TREH: variants seen among roughly 807,000 people sequenced by gnomAD.
TREH encodes the protein alpha,alpha-trehalose glucohydrolase.
A neutral mutation model predicts 80.5 loss-of-function variants in TREH; 69 were observed. The ratio of observed to expected loss-of-function variants is 0.86; its 90% CI spans 0.71 to 1.05. The LOEUF (loss-of-function observed/expected upper bound fraction) is 1.05. TREH is among the 50% of genes least tolerant of loss of function. The pLI, the probability that TREH is intolerant of heterozygous loss-of-function variation, is 0.00. For missense variants in TREH, 716 were observed against 718.8 expected, an observed-to-expected ratio of 1.00 and a Z score of 0.04; for synonymous variants, 309 against 293.5, an observed-to-expected ratio of 1.05 and a Z score of -0.54.
At chr11:118,676,431 A>C (rs1949479408) in intron 1 of TREH, among the ~76,000 whole-genome samples, 1 of 152,144 alleles carries the variant, frequency 6.6e-6, no homozygotes, top group African/African-American at 2.4e-5. Context: ...CCATGACTGC[A>C]CCACTGCACT....
intron 1 of TREH, among the ~76,000 whole-genome samples, chr11:118,678,954 G>A (rs1473557730): frequency 6.6e-6 from 1 of 152,206 alleles, no homozygotes; most frequent in Non-Finnish European, 1.5e-5. Flanking sequence ...AAGTTTGCTA[G>A]AACAATCCTG....
intron 1 of TREH, among the ~76,000 whole-genome samples, chr11:118,665,670 T>C (rs955587048): frequency 9.2e-5 from 14 of 152,142 alleles, no homozygotes; most frequent in African/African-American, 3.4e-4. Flanking sequence ...AAACTGCAAC[T>C]GTACCTTTAA....
chr11:118,676,502 T>A (rs145613748), intron 1 of TREH, among the ~76,000 whole-genome samples: 1,586 of 149,902 alleles, frequency 0.011, 26 homozygotes, highest in African/African-American at 0.036. Flanking sequence ...GTGCAGTGAC[T>A]CATGCCTGTA....
intron 1 of TREH, among the ~76,000 whole-genome samples, chr11:118,669,107 T>C (rs1555145980): frequency 6.6e-6 from 1 of 152,174 alleles, no homozygotes; most frequent in African/African-American, 2.4e-5. Flanking sequence ...TCAATATAAT[T>C]GATCATCAGA....
chr11:118,658,493 G>C, intron 14 of TREH, 52 bp from the exon 15 acceptor site: 1 of 1,587,974 alleles, frequency 6.3e-7, no homozygotes, highest in Non-Finnish European at 8.6e-7. Flanking sequence ...TCATACCCTT[G>C]GTGGGGGCTG....
chr11:118,675,944 C>G (rs541732385), intron 1 of TREH, among the ~76,000 whole-genome samples: 1 of 152,290 alleles, frequency 6.6e-6, no homozygotes, highest in South Asian at 2.1e-4. Context: ...CTCAAGTGAT[C>G]CATCCACCTC....
In TREH at chr11:118,662,925, A is replaced by G. The variant is rs1949340452; in HGVS notation, c.379T>C (p.Trp127Arg). The stretch of plus-strand genomic sequence containing the variant: ...CAGAGCTGATGCAGCTGCCCTGCCC[A>G]GGCACGCAGTTTGGCATCTGAAATC... ...QKISDAKLRA[W>R]AGQLHQLWKK... The change falls in exon 4 of 15, where the codon TGG (tryptophan) becomes CGG (arginine). Residue 127 changes from tryptophan to arginine, a missense_variant. Transcript: ENST00000264029. The G allele has an allele frequency of 6.2e-7, 1 of 1,609,100 alleles. No homozygotes were observed. The highest frequency in any genetic ancestry group is 1.3e-5 in the African/African-American group (1 of 74,854).
At chr11:118,665,179 TC>T (rs1437026958) in intron 1 of TREH, among the ~76,000 whole-genome samples, 2 of 152,064 alleles carry the variant, frequency 1.3e-5, no homozygotes, top group Non-Finnish European at 2.9e-5. Flanking sequence ...TTGGTTGGAT[TC>T]CCCTAATTTT....
rs563896721 is a variant in TREH, at chr11:118,670,529, T to G, written c.90-7090A>C. 3.2e-4 allele frequency among the ~76,000 whole-genome samples: 48 copies of G among 152,334 alleles called. 1 individual carries two copies. In the South Asian group the frequency reaches 9.1e-3, roughly 29 times the overall value. On this transcript the variant is annotated intron_variant, in intron 1 of 14. Coordinates refer to ENST00000264029, the MANE Select transcript of TREH (RefSeq NM_007180.3). ...CTAATGTGGAAGTAGAGATAGGAGC[T>G]TTTAGCTCAATTCCCCAATACATGT...
chr11:118,659,377 G>T lies in TREH; in HGVS notation c.1425C>A (p.Val475=). ...PNAWAPLQDL[V]IRGLAKAPLR... is the part of the protein sequence containing the mutation. ...TCAGCCCTGCCTCCCTACCTCTGATGACCAGGTCCTGCAGGGGGGCCCAGG... is the reference window on the plus strand; with the variant it reads ...TCAGCCCTGCCTCCCTACCTCTGATTACCAGGTCCTGCAGGGGGGCCCAGG... Residue 475 remains valine (V), a synonymous_variant, in exon 12 of 15, where the codon GTC becomes GTA. Coordinates refer to ENST00000264029, the MANE Select transcript of TREH (RefSeq NM_007180.3). 1 of 1,576,210 alleles carries T rather than the reference G, an allele frequency of 6.3e-7. No individual in the cohort carries two copies. The highest frequency in any genetic ancestry group is 8.6e-7 in the Non-Finnish European group (1 of 1,160,278).
chr11:118,659,273 G>T (rs1482646964), intron 12 of TREH, 97 bp downstream of exon 12: 2 of 1,041,246 alleles, frequency 1.9e-6, no homozygotes, highest in Non-Finnish European at 2.7e-6. Context: ...AGGATACGGG[G>T]CCTCTTGTGT....
Position 118,660,607 on chromosome 11 carries a change from A to G in TREH, c.1034T>C (p.Val345Ala), listed in dbSNP as rs1555144698. 1 of 1,610,432 alleles carries G rather than the reference A, an allele frequency of 6.2e-7. No individual in the cohort carries two copies. The highest frequency in any genetic ancestry group is 1.7e-5 in the Admixed American group (1 of 59,556). Residue 345 changes from valine (V) to alanine (A), a missense_variant, in exon 10 of 15, where the codon GTG becomes GCG. Transcript: ENST00000264029. ...TAGGAAGGCATTCAGGTCAACAGGC[A>G]CCAGTTTGCTTGTTCGGATGCCGCT... ...SLSGIRTSKL[V>A]PVDLNAFLCQ...
At chr11:118,673,276 G>A (rs1255218445) in intron 1 of TREH, among the ~76,000 whole-genome samples, 1 of 152,120 alleles carries the variant, frequency 6.6e-6, no homozygotes, top group African/African-American at 2.4e-5. Flanking sequence ...TCAGTATTTT[G>A]AGCATTTGCA....
chr11:118,659,125 C>A, intron 12 of TREH, 108 bp from the exon 13 acceptor site: 1 of 1,230,526 alleles, frequency 8.1e-7, no homozygotes, highest in Non-Finnish European at 1.2e-6. Context: ...GGCCCTAAGA[C>A]TTCCTTCCTG....
At chr11:118,663,243 C>CTCCCTAAT in intron 2 of TREH, 47 bp from the exon 3 acceptor site, 1 of 1,571,914 alleles carries the variant, frequency 6.4e-7, no homozygotes, top group Non-Finnish European at 8.6e-7. Context: ...TCACAAGCCA[C>CTCCCTAAT]TCCCTAATCA....
At chr11:118,660,765 C>T (rs933231292) in intron 9 of TREH, 32 bp from the exon 10 acceptor site, 20 of 1,552,766 alleles carry the variant, frequency 1.3e-5, no homozygotes, top group Non-Finnish European at 1.4e-5. Context: ...CCAGCCAGTC[C>T]CGGCTGCAGG....
chr11:118,658,663 A>C lies in TREH; in HGVS notation c.1599+17T>G. 4 of 1,577,076 alleles carry C rather than the reference A, an allele frequency of 2.5e-6. No homozygotes were observed. The highest frequency in any genetic ancestry group is 3.4e-6 in the Non-Finnish European group (4 of 1,161,136). ...GGAGTTCCCTGGTGTTGGCCAGCCC[A>C]CCCCTGGCCTGCTCACCTGAACTTC... On this transcript the variant is annotated intron_variant, in intron 14 of 14. Coordinates refer to ENST00000264029, the MANE Select transcript of TREH (RefSeq NM_007180.3).
chr11:118,672,428 C>A lies in TREH; in HGVS notation c.89+7111G>T, dbSNP rs117284656. 6.3e-3 allele frequency among the ~76,000 whole-genome samples: 929 copies of A among 148,106 alleles called. 3 individuals carry two copies. The highest frequency in any genetic ancestry group is 0.011 in the Middle Eastern group (3 of 262). On this transcript the variant is annotated intron_variant, in intron 1 of 14. Transcript: ENST00000264029. ...AAAAAAGAAAAAAAAAGTTAATGATCGCTGGGCTCAGTGGCTCATGCCTAT... is the reference window on the plus strand; with the variant it reads ...AAAAAAGAAAAAAAAAGTTAATGATAGCTGGGCTCAGTGGCTCATGCCTAT...
chr11:118,672,074 G>A (rs151120307), intron 1 of TREH, among the ~76,000 whole-genome samples: 1 of 152,122 alleles, frequency 6.6e-6, no homozygotes, highest in African/African-American at 2.4e-5. Context: ...AGTATACTTC[G>A]ATCAGAAAGA....
Sources: gnomAD v4.1 joint callset for allele counts (sites outside exome capture counted in the v4.1 genomes callset) on GRCh38, gnomAD v4.1.1 for gene constraint, MANE v1.5 for transcripts, NCBI Gene and HGNC (gene_info 2026-07-23, HGNC 2026-07-21) for gene names.